Variants in GALM observed in about 807,000 individuals in gnomAD.
GALM encodes aldose 1-epimerase.
A neutral mutation model predicts 37.4 loss-of-function variants in GALM; 43 were observed. That is an observed-to-expected ratio of 1.15 (90% confidence interval 0.90 to 1.48). GALM has a LOEUF of 1.48. Among genes scored for constraint, GALM ranks in the 40% most tolerant of loss-of-function variants. GALM has a pLI of 0.00. For synonymous variants in GALM, 199 were observed against 170.6 expected, an observed-to-expected ratio of 1.17 and a Z score of -1.30; for missense variants, 456 against 419.1, an observed-to-expected ratio of 1.09 and a Z score of -0.77.
chr2:38,689,380 A>T (rs1378113854), intron 3 of GALM, among the ~76,000 whole-genome samples: 2 of 152,092 alleles, frequency 1.3e-5, no homozygotes, highest in Non-Finnish European at 2.9e-5. Context: ...ACTGGGCTAG[A>T]GGGGGGTGCC....
At chr2:38,677,765 G>A (rs1177806720) in intron 2 of GALM, among the ~76,000 whole-genome samples, 2 of 152,144 alleles carry the variant, frequency 1.3e-5, no homozygotes, top group Non-Finnish European at 2.9e-5. Flanking sequence ...GGGCACAGTA[G>A]GCCAAGGACT....
intron 4 of GALM, among the ~76,000 whole-genome samples, chr2:38,696,986 C>T (rs1402402009): frequency 6.6e-6 from 1 of 151,892 alleles, no homozygotes; most frequent in African/African-American, 2.4e-5. Context: ...GAGGGGGTTT[C>T]ACCATGTTGG....
intron 3 of GALM, among the ~76,000 whole-genome samples, chr2:38,682,812 C>G (rs909670937): frequency 2.0e-5 from 3 of 151,892 alleles, no homozygotes; most frequent in African/African-American, 7.3e-5. Context: ...AGGAGAATCA[C>G]TTGAACCTGG....
chr2:38,711,885 C>G (rs1472123378), intron 4 of GALM, among the ~76,000 whole-genome samples: 3 of 150,034 alleles, frequency 2.0e-5, no homozygotes, highest in African/African-American at 7.3e-5. Context: ...TCATCACTAT[C>G]TTAAGTAAGT....
At chr2:38,666,378 G>A (rs767862904) in intron 1 of GALM, 27 bp downstream of exon 1, 5 of 1,563,168 alleles carry the variant, frequency 3.2e-6, no homozygotes, top group Non-Finnish European at 4.4e-6. Context: ...CCTGGGCTGC[G>A]AGCAGGCCCC....
intron 3 of GALM, among the ~76,000 whole-genome samples, chr2:38,687,528 G>A (rs1572519712): frequency 6.6e-6 from 1 of 152,148 alleles, no homozygotes; most frequent in Admixed American, 6.5e-5. Context: ...TGGCCAACAT[G>A]GTGAAACCCC....
In GALM at chr2:38,716,800, C is replaced by T. The variant is rs117591377; in HGVS notation, c.635-12756C>T. Among the ~76,000 whole-genome samples the T allele has an allele frequency of 4.6e-3, 693 of 152,174 alleles. 24 individuals are homozygous for T. The East Asian group carries it at 0.063, about 14-fold the overall frequency. On this transcript the variant is annotated intron_variant, in intron 4 of 6. Transcript: ENST00000272252. The stretch of plus-strand genomic sequence containing the variant: ...TTGAGGCTGCAGTGAGCTGTGATTG[C>T]ACCTGTGAATAGCCACTGCACTGCA...
chr2:38,734,420 C>T lies in GALM; in HGVS notation c.*855C>T, dbSNP rs1008016653. 1 of 147,416 alleles carries T rather than the reference C, an allele frequency of 6.8e-6. No homozygotes were observed. Among genetic ancestry groups the T allele is most frequent in the Non-Finnish European group, 1.5e-5 (1 of 66,920 alleles). 9.1% of individuals were successfully genotyped at this position (147,416 alleles called of 1,614,324 possible). ...AAAAAAAAAGGAAAAAAAAGCAGCT[C>T]TCTCTCTCGGGAGAGGGAGGGGACT... On this transcript the variant is annotated 3_prime_UTR_variant, in exon 7 of 7. Coordinates refer to ENST00000272252, the MANE Select transcript of GALM (RefSeq NM_138801.3).
intron 4 of GALM, among the ~76,000 whole-genome samples, chr2:38,725,656 T>C (rs539701783): frequency 1.7e-4 from 26 of 152,288 alleles, no homozygotes; most frequent in Admixed American, 7.8e-4. Flanking sequence ...ACCCTGTCTT[T>C]AAAAAAGAAA....
At chr2:38,702,568 G>C (rs1173793512) in intron 4 of GALM, among the ~76,000 whole-genome samples, 1 of 151,910 alleles carries the variant, frequency 6.6e-6, no homozygotes, top group Non-Finnish European at 1.5e-5. Flanking sequence ...CCACTTTCTG[G>C]AAACTGTAGA....
At chr2:38,688,527 G>A (rs576405978) in intron 3 of GALM, among the ~76,000 whole-genome samples, 24 of 150,470 alleles carry the variant, frequency 1.6e-4, no homozygotes, top group Non-Finnish European at 1.2e-4. Flanking sequence ...AAAAAAAAAA[G>A]TCAAATGTCA....
At chr2:38,708,748 A>C (rs1236838917) in intron 4 of GALM, among the ~76,000 whole-genome samples, 1 of 151,814 alleles carries the variant, frequency 6.6e-6, no homozygotes, top group Non-Finnish European at 1.5e-5. Flanking sequence ...AAAAAAAAAA[A>C]AGAAAGTGCT....
At chr2:38,705,767 C>A (rs1298546201) in intron 4 of GALM, among the ~76,000 whole-genome samples, 2 of 152,158 alleles carry the variant, frequency 1.3e-5, no homozygotes, top group African/African-American at 2.4e-5. Flanking sequence ...ACCCTAGGCA[C>A]CTCATTTGCC....
At chr2:38,683,648 C>A (rs1665454525) in intron 3 of GALM, among the ~76,000 whole-genome samples, 1 of 151,964 alleles carries the variant, frequency 6.6e-6, no homozygotes, top group South Asian at 2.1e-4. Flanking sequence ...CTCACTGCAA[C>A]CTCCACCTTC....
At chr2:38,675,632 G>A (rs754721224) in intron 1 of GALM, among the ~76,000 whole-genome samples, 4 of 147,032 alleles carry the variant, frequency 2.7e-5, no homozygotes, top group Non-Finnish European at 6.0e-5. Context: ...GCAGTGGCGC[G>A]GTCTCGGCTC....
intron 4 of GALM, among the ~76,000 whole-genome samples, chr2:38,704,702 T>C (rs576805746): frequency 5.9e-5 from 9 of 151,422 alleles, no homozygotes; most frequent in South Asian, 2.1e-4. Context: ...AGGCTACAGA[T>C]AAGAAAGTAC....
chr2:38,726,832 G>A (rs1666495756), intron 4 of GALM, among the ~76,000 whole-genome samples: 1 of 151,666 alleles, frequency 6.6e-6, no homozygotes, highest in Admixed American at 6.6e-5. Context: ...GGAGGCCAAG[G>A]TTGTGGTGAG....
At chr2:38,667,405 T>G (rs1345642286) in intron 1 of GALM, among the ~76,000 whole-genome samples, 1 of 149,424 alleles carries the variant, frequency 6.7e-6, no homozygotes, top group Non-Finnish European at 1.5e-5. Flanking sequence ...CTGTCTCTAC[T>G]AAAAATACAA....
In GALM at chr2:38,691,904, TA is replaced by T. The variant is rs556389682; in HGVS notation, c.634+2018del. On this transcript the variant is annotated intron_variant, in intron 4 of 6. Coordinates refer to ENST00000272252, the MANE Select transcript of GALM (RefSeq NM_138801.3). ...ATGGTACCACTTGGAGCCAATACTA[TA>T]AAAAAAATAAATAGCAGATTATCCA... 3.4e-3 allele frequency among the ~76,000 whole-genome samples: 515 copies of T among 151,934 alleles called. 3 individuals carry two copies. Among genetic ancestry groups the T allele is most frequent in the African/African-American group, 0.012 (496 of 41,472 alleles).
Sources: allele counts gnomAD v4.1 joint callset (sites outside exome capture counted in the v4.1 genomes callset), GRCh38; gene constraint gnomAD v4.1.1; transcripts MANE v1.5; gene names NCBI Gene and HGNC (gene_info 2026-07-23, HGNC 2026-07-21).